Variants in KIFAP3 observed in about 807,000 individuals in gnomAD.
The protein encoded by KIFAP3 is kinesin-associated protein 3.
A neutral mutation model predicts 106.5 loss-of-function variants in KIFAP3; 68 were observed. The observed-to-expected ratio is 0.64, with a 90% CI of 0.53 to 0.78. KIFAP3 has a LOEUF of 0.78. Ranked by LOEUF, KIFAP3 falls within the 30% of genes least tolerant of loss-of-function variation. The probability of loss-of-function intolerance (pLI) is 0.00; values close to 1 mark genes in which losing one functional copy is unlikely to be tolerated. For missense variants in KIFAP3, 780 were observed against 941.8 expected (o/e 0.83, Z 2.25); for synonymous variants, 320 against 311.5 (o/e 1.03, Z -0.29).
chr1:170,009,486 C>T (rs1668140733), intron 10 of KIFAP3, among the ~76,000 whole-genome samples: 3 of 152,058 alleles, frequency 2.0e-5, no homozygotes, highest in Admixed American at 2.0e-4. Context: ...AACTTTTATC[C>T]AAGAATGAAG....
intron 10 of KIFAP3, among the ~76,000 whole-genome samples, chr1:170,007,268 A>G (rs2101977727): frequency 6.6e-6 from 1 of 151,676 alleles, no homozygotes; most frequent in Middle Eastern, 3.4e-3. Flanking sequence ...AGGGGAGGGG[A>G]CAGAAAGAGG....
At chr1:169,948,639 C>T (rs1473933262) in intron 19 of KIFAP3, among the ~76,000 whole-genome samples, 1 of 151,856 alleles carries the variant, frequency 6.6e-6, no homozygotes, top group African/African-American at 2.4e-5. Flanking sequence ...TAATGAAGAT[C>T]ATTGAACTTA....
intron 15 of KIFAP3, among the ~76,000 whole-genome samples, chr1:169,979,462 A>T (rs371848253): frequency 6.6e-6 from 1 of 152,304 alleles, no homozygotes; most frequent in African/African-American, 2.4e-5. Context: ...AAAACTCAAA[A>T]GAGAAAAATG....
chr1:169,939,337 A>G (rs1172163377), intron 19 of KIFAP3, among the ~76,000 whole-genome samples: 1 of 152,182 alleles, frequency 6.6e-6, no homozygotes, highest in African/African-American at 2.4e-5. Flanking sequence ...AAAGGGAGAT[A>G]ATAAGGAAGA....
At chr1:169,980,867 C>T (rs1232735906) in intron 15 of KIFAP3, among the ~76,000 whole-genome samples, 3 of 152,044 alleles carry the variant, frequency 2.0e-5, no homozygotes, top group East Asian at 3.9e-4. Context: ...TTTGGGAGGC[C>T]GAGGTGGGCG....
intron 1 of KIFAP3, among the ~76,000 whole-genome samples, chr1:170,062,940 C>T (rs1671260549): frequency 6.6e-6 from 1 of 151,926 alleles, no homozygotes; most frequent in African/African-American, 2.4e-5. Context: ...AATGAAACCA[C>T]CTTTGCAAAA....
rs138705317 is a variant in KIFAP3 at position 169,998,678 on chromosome 1, G to A, written c.1184-6423C>T. ...TTTGGCCTTTTATTCAGAAAAATAC[G>A]TAAATATTTTATAAACGGTCTTGTT... On this transcript the variant is annotated intron_variant, in intron 10 of 19. Transcript: ENST00000361580. Among the ~76,000 whole-genome samples the A allele has an allele frequency of 5.9e-4, 90 of 152,090 alleles. No homozygotes were observed. In the East Asian group the frequency reaches 0.011, roughly 18 times the overall value.
chr1:169,952,001 G>A (rs1490263471), intron 19 of KIFAP3, among the ~76,000 whole-genome samples: 1 of 151,842 alleles, frequency 6.6e-6, no homozygotes, highest in East Asian at 1.9e-4. Flanking sequence ...ACCTGATAGA[G>A]TACAGTATTT....
At chr1:169,940,738 G>C (rs1363792098) in intron 19 of KIFAP3, among the ~76,000 whole-genome samples, 1 of 152,152 alleles carries the variant, frequency 6.6e-6, no homozygotes, top group East Asian at 1.9e-4. Context: ...GGGAGTTGGG[G>C]ACCCCTGATT....
chr1:169,922,973 ATGCG>A (rs1431462639), intron 19 of KIFAP3: 5 of 312,524 alleles, frequency 1.6e-5, no homozygotes, highest in Non-Finnish European at 2.3e-5. Context: ...AAATGTGTGA[ATGCG>A]TGTGTGTGTT....
At chr1:169,967,289 C>G (rs942709878) in intron 17 of KIFAP3, among the ~76,000 whole-genome samples, 7 of 151,750 alleles carry the variant, frequency 4.6e-5, no homozygotes, top group African/African-American at 1.7e-4. Flanking sequence ...CATTATATCC[C>G]CCTCCTGGAC....
At chr1:170,004,518 A>G (rs1667842026) in intron 10 of KIFAP3, among the ~76,000 whole-genome samples, 1 of 151,964 alleles carries the variant, frequency 6.6e-6, no homozygotes, top group Admixed American at 6.6e-5. Context: ...GATATAGACC[A>G]ATGGAACAGA....
At chr1:170,024,801 A>T in intron 8 of KIFAP3, 1 of 354,670 alleles carries the variant, frequency 2.8e-6, no homozygotes, top group Non-Finnish European at 5.1e-6. Flanking sequence ...GTGTTATCTA[A>T]AACAAAACAC....
chr1:169,993,354 C>G (rs954706767), intron 10 of KIFAP3, among the ~76,000 whole-genome samples: 1 of 151,392 alleles, frequency 6.6e-6, no homozygotes, highest in African/African-American at 2.4e-5. Flanking sequence ...TCATGATCTG[C>G]CCACCTTGGC....
intron 10 of KIFAP3, among the ~76,000 whole-genome samples, chr1:169,998,941 C>T (rs1474848119): frequency 2.6e-5 from 4 of 152,058 alleles, no homozygotes; most frequent in Admixed American, 2.0e-4. Context: ...CATTTTAGAA[C>T]AAAATTGAGT....
rs549431460 is a variant in KIFAP3, at chr1:169,968,403, T to C, written c.1983+4110A>G. Among the ~76,000 whole-genome samples the C allele has an allele frequency of 5.3e-5, 8 of 152,094 alleles. No homozygotes were observed. In the East Asian group the frequency reaches 7.7e-4, roughly 15 times the overall value. On this transcript the variant is annotated intron_variant, in intron 17 of 19. Transcript: ENST00000361580. Reference sequence around the variant, plus strand: ...CACTATAGGATAACACAGAGCTACATAGATCTGCTTTGTGTTCTAACATAA... The same window carrying C: ...CACTATAGGATAACACAGAGCTACACAGATCTGCTTTGTGTTCTAACATAA...
At chr1:169,998,381 GATATAT>G (rs67634163) in intron 10 of KIFAP3, among the ~76,000 whole-genome samples, 7,656 of 136,696 alleles carry the variant, frequency 0.056, 335 homozygotes, top group East Asian at 0.16. Flanking sequence ...TGCTTCACCA[GATATAT>G]ATATATATAT....
intron 10 of KIFAP3, among the ~76,000 whole-genome samples, chr1:170,000,966 T>C (rs535479598): frequency 1.3e-5 from 2 of 151,478 alleles, no homozygotes; most frequent in South Asian, 2.1e-4. Context: ...TTTAAAAGTA[T>C]GAGAAACTAA....
Position 169,992,227 on chromosome 1 carries a change from C to G in KIFAP3, c.1212G>C (p.Met404Ile). The change falls in exon 11 of 20, where the codon ATG (methionine) becomes ATC (isoleucine). Residue 404 changes from methionine to isoleucine, a missense_variant. Physicochemically the swap from Met to Ile is conservative, Grantham distance 10. This residue lies in a region of KIFAP3 where 588 missense variants were observed against 678.9 expected (regional missense o/e 0.87). Coordinates refer to ENST00000361580, the MANE Select transcript of KIFAP3 (RefSeq NM_014970.4). ...CCATGCTTATGTGGTAAAGAACACA[C>G]ATTGCTATTTGTTTGTAGTTGTCAT... Reference protein sequence around the residue: ...LGNDNYKQIAMCVLYHISMDD... With the variant: ...LGNDNYKQIAICVLYHISMDD... 1 of 1,580,304 alleles carries G rather than the reference C, an allele frequency of 6.3e-7. No homozygotes were observed. The highest frequency in any genetic ancestry group is 8.6e-7 in the Non-Finnish European group (1 of 1,164,510).
Sources: gnomAD v4.1 joint callset for allele counts (sites outside exome capture counted in the v4.1 genomes callset) on GRCh38, gnomAD v4.1.1 for gene constraint, gnomAD v4.1.1 regional missense constraint, MANE v1.5 for transcripts, NCBI Gene and HGNC (gene_info 2026-07-23, HGNC 2026-07-21) for gene names.